WDR72: variants seen among roughly 807,000 people sequenced by gnomAD.
WDR72 encodes WD repeat-containing protein 72.
A neutral mutation model predicts 124.2 loss-of-function variants in WDR72; 120 were observed. The ratio of observed to expected loss-of-function variants is 0.97; its 90% CI spans 0.83 to 1.12. The LOEUF is 1.12. Ranked by LOEUF, WDR72 falls within the 50% of genes most tolerant of loss-of-function variation. WDR72 has a pLI of 0.00. For missense variants in WDR72, 1,387 were observed against 1,278.8 expected (o/e 1.08, Z -1.29); for synonymous variants, 452 against 441.7 (o/e 1.02, Z -0.29).
intron 18 of WDR72, among the ~76,000 whole-genome samples, chr15:53,583,614 C>A (rs772619130): frequency 3.1e-4 from 47 of 152,098 alleles, no homozygotes; most frequent in South Asian, 2.1e-4. Context: ...ATAGGAATCC[C>A]AGACATAGGG....
At chr15:53,622,494 C>T (rs1566989525) in intron 14 of WDR72, among the ~76,000 whole-genome samples, 1 of 151,950 alleles carries the variant, frequency 6.6e-6, no homozygotes, top group East Asian at 1.9e-4. Flanking sequence ...GATGGAGCTG[C>T]AAGCCATTAT....
intron 14 of WDR72, among the ~76,000 whole-genome samples, chr15:53,658,534 C>G (rs1265567969): frequency 2.0e-5 from 3 of 152,154 alleles, no homozygotes; most frequent in Non-Finnish European, 4.4e-5. Flanking sequence ...ACAAAGAACT[C>G]TGCCATCTAT....
In WDR72 at chr15:53,590,292, C is replaced by T. The variant is rs529736702; in HGVS notation, c.3148+6787G>A. On this transcript the variant is annotated intron_variant, in intron 18 of 19. Coordinates refer to ENST00000360509, the MANE Select transcript of WDR72 (RefSeq NM_182758.4). ...TTTAGCATTTACCAGATGGCTTTTT[C>T]GGTTCCCAAAAGGAACCTTTTAAAT... Among the ~76,000 whole-genome samples, 365 of 152,044 alleles carry T rather than the reference C, an allele frequency of 2.4e-3. 1 individual carries two copies. Among genetic ancestry groups the T allele is most frequent in the Non-Finnish European group, 4.3e-3 (295 of 67,946 alleles).
At position 53,706,149 on chromosome 15, in the gene WDR72, A is replaced by G. The variant is rs1055151149; in HGVS notation, c.955-75T>C. On this transcript the variant is annotated intron_variant, in intron 9 of 19. Coordinates refer to ENST00000360509, the MANE Select transcript of WDR72 (RefSeq NM_182758.4). ...ATGGCCACTGTTTTTAAATGGAGAAACAAGACTTAATAACTGAATAAATCT... is the reference window on the plus strand; with the variant it reads ...ATGGCCACTGTTTTTAAATGGAGAAGCAAGACTTAATAACTGAATAAATCT... 1.0e-5 allele frequency: 15 copies of G among 1,462,520 alleles called. No homozygotes were observed. The African/African-American group carries it at 2.1e-4, about 20-fold the overall frequency. The allele number at this position is 1,462,520 out of a possible 1,614,324, so 90.6% of individuals were successfully genotyped here.
chr15:53,603,929 C>T (rs1420065802), intron 17 of WDR72, among the ~76,000 whole-genome samples: 1 of 152,070 alleles, frequency 6.6e-6, no homozygotes, highest in Non-Finnish European at 1.5e-5. Flanking sequence ...AGTTTCATTG[C>T]TATTCATATC....
intron 18 of WDR72, among the ~76,000 whole-genome samples, chr15:53,594,304 G>T (rs1001759370): frequency 6.6e-6 from 1 of 150,678 alleles, no homozygotes; most frequent in African/African-American, 2.4e-5. Flanking sequence ...AACCAAGAAA[G>T]AAAAAAAGAA....
chr15:53,529,164 A>ATATTTTTTTTTTT lies in WDR72; in HGVS notation c.3149-5843_3149-5842insAAAAAAAAAAATA, dbSNP rs59003623. On this transcript the variant is annotated intron_variant, in intron 18 of 19. Transcript: ENST00000360509. ...TTAGCCCATATATATATATATATAT[A>ATATTTTTTTTTTT]TTTTTTTTTTTTTTTTTAAAAGAAT... 1.7e-3 allele frequency among the ~76,000 whole-genome samples: 135 copies of ATATTTTTTTTTTT among 78,104 alleles called. 1 individual carries two copies. The highest frequency in any genetic ancestry group is 6.6e-3 in the African/African-American group (132 of 20,036). 51.2% of individuals were successfully genotyped at this position (78,104 alleles called of 152,430 possible).
intron 18 of WDR72, among the ~76,000 whole-genome samples, chr15:53,529,164 A>ATATATATATATATATATATT (rs59003623): frequency 3.8e-5 from 3 of 78,168 alleles, no homozygotes; most frequent in African/African-American, 1.5e-4. Context: ...ATATATATAT[A>ATATATATATATATATATATT]TTTTTTTTTT....
chr15:53,572,105 T>A (rs1894551500), intron 18 of WDR72, among the ~76,000 whole-genome samples: 1 of 152,180 alleles, frequency 6.6e-6, no homozygotes, highest in South Asian at 2.1e-4. Context: ...CCTTATATAT[T>A]TTGAATATTA....
intron 18 of WDR72, among the ~76,000 whole-genome samples, chr15:53,527,301 T>C (rs1160198748): frequency 6.6e-6 from 1 of 152,058 alleles, no homozygotes; most frequent in African/African-American, 2.4e-5. Context: ...TCTCTAAAAA[T>C]TCCGTTCTTC....
intron 14 of WDR72, among the ~76,000 whole-genome samples, chr15:53,628,341 G>C (rs2014290171): frequency 2.0e-5 from 3 of 152,072 alleles, no homozygotes; most frequent in Admixed American, 1.3e-4. Flanking sequence ...TCAAGGGAAA[G>C]TACCTCCATC....
At chr15:53,706,359 T>TAC (rs2017367611) in intron 9 of WDR72, among the ~76,000 whole-genome samples, 2 of 40,590 alleles carry the variant, frequency 4.9e-5, no homozygotes, top group Admixed American at 5.2e-4. Flanking sequence ...TGTATATATA[T>TAC]ATATATATAT....
At chr15:53,676,946 A>T (rs2016194028) in intron 13 of WDR72, among the ~76,000 whole-genome samples, 1 of 139,128 alleles carries the variant, frequency 7.2e-6, no homozygotes. Flanking sequence ...TTTTTGACAG[A>T]GTCTCACTTG....
intron 2 of WDR72, among the ~76,000 whole-genome samples, chr15:53,723,380 T>C (rs2017932593): frequency 1.3e-5 from 2 of 152,204 alleles, no homozygotes; most frequent in Non-Finnish European, 1.5e-5. Flanking sequence ...AAAAACAGTA[T>C]AGAGGTTCCT....
In WDR72 at chr15:53,566,682, C is replaced by G. The variant is rs538482071; in HGVS notation, c.3148+30397G>C. On this transcript the variant is annotated intron_variant, in intron 18 of 19. Transcript: ENST00000360509. The stretch of plus-strand genomic sequence containing the variant: ...AGGAGAACATGAAAGAGGTGAGGAA[C>G]AAACTAAGAGATAAGAAGACAGGAA... 7.0e-4 allele frequency among the ~76,000 whole-genome samples: 106 copies of G among 151,922 alleles called. 2 individuals carry two copies. The highest frequency in any genetic ancestry group is 2.4e-3 in the African/African-American group (101 of 41,488).
At chr15:53,624,720 G>A (rs1460032227) in intron 14 of WDR72, among the ~76,000 whole-genome samples, 1 of 152,122 alleles carries the variant, frequency 6.6e-6, no homozygotes, top group East Asian at 1.9e-4. Flanking sequence ...AAGTCCATTA[G>A]AATATAAGTA....
chr15:53,701,547 T>TCC, intron 12 of WDR72, among the ~76,000 whole-genome samples: 1 of 106,420 alleles, frequency 9.4e-6, no homozygotes. Flanking sequence ...TCTCTCTCTC[T>TCC]CTCTCTCTCT....
chr15:53,550,656 G>A (rs74824280), intron 18 of WDR72, among the ~76,000 whole-genome samples: 1,881 of 152,302 alleles, frequency 0.012, 45 homozygotes, highest in African/African-American at 0.043. Flanking sequence ...GGAATGATTA[G>A]GGAAATGGTT....
intron 18 of WDR72, among the ~76,000 whole-genome samples, chr15:53,587,724 G>T (rs566648633): frequency 6.6e-6 from 1 of 152,130 alleles, no homozygotes; most frequent in African/African-American, 2.4e-5. Context: ...GAGGCTGGAA[G>T]TTTATATAGA....
Sources: gnomAD v4.1 joint callset for allele counts (sites outside exome capture counted in the v4.1 genomes callset) on GRCh38, gnomAD v4.1.1 for gene constraint, MANE v1.5 for transcripts, NCBI Gene and HGNC (gene_info 2026-07-23, HGNC 2026-07-21) for gene names.